Variants in RANBP2 observed in about 807,000 individuals in gnomAD.
The protein encoded by RANBP2 is RAN binding protein 2.
A neutral mutation model predicts 303.6 loss-of-function variants in RANBP2; 57 were observed. The ratio of observed to expected loss-of-function variants is 0.19; its 90% CI spans 0.15 to 0.23. The LOEUF is 0.23. Among genes scored for constraint, RANBP2 ranks in the 10% least tolerant of loss-of-function variants. The pLI, the probability that RANBP2 is intolerant of heterozygous loss-of-function variation, is 1.00. For missense variants in RANBP2, 3,138 were observed against 3,780.8 expected (o/e 0.83, Z 4.46); for synonymous variants, 1,167 against 1,301.5 (o/e 0.90, Z 2.23).
the RANBP2 span, among the ~76,000 whole-genome samples, chr2:109,686,503 C>G: frequency 6.6e-6 from 1 of 152,060 alleles, no homozygotes; most frequent in East Asian, 1.9e-4. Flanking sequence ...TTAGTATAGA[C>G]GGGGTTTCAC....
chr2:108,739,465 T>TA (rs1394638877), intron 6 of RANBP2, among the ~76,000 whole-genome samples: 1 of 151,096 alleles, frequency 6.6e-6, no homozygotes, highest in Non-Finnish European at 1.5e-5. Flanking sequence ...AAAATATAAA[T>TA]TTTTTTTTGG....
In RANBP2 at chr2:108,764,755, G is replaced by T. The variant is rs777082127; in HGVS notation, c.4216G>T (p.Asp1406Tyr). The T allele has an allele frequency of 6.2e-7, 1 of 1,613,922 alleles. No individual in the cohort carries two copies. The highest frequency in any genetic ancestry group is 1.3e-5 in the African/African-American group (1 of 74,890). The change falls in exon 20 of 29, where the codon GAT (aspartate) becomes TAT (tyrosine). Residue 1406 changes from aspartate to tyrosine, a missense_variant. By Grantham distance (160) the Asp-to-Tyr change is radical (BLOSUM62 -3). Transcript: ENST00000283195. ...TPKTSPENVQDRFALVTPKKE... is the reference protein window; with the variant it reads ...TPKTSPENVQYRFALVTPKKE... ...TAAAACCAGCCCAGAGAATGTTCAA[G>T]ATCGATTTGCATTGGTGACTCCAAA... is the stretch of plus-strand genomic sequence containing the variant.
At chr2:108,875,868 A>G in the RANBP2 span, among the ~76,000 whole-genome samples, 21 of 152,274 alleles carry the variant, frequency 1.4e-4, no homozygotes, top group South Asian at 4.2e-3. Context: ...AAAAGAAAAA[A>G]AAGTTTTCTT....
At chr2:109,002,200 G>C in the RANBP2 span, among the ~76,000 whole-genome samples, 1 of 152,342 alleles carries the variant, frequency 6.6e-6, no homozygotes, top group South Asian at 2.1e-4. Context: ...ACCAATGCAG[G>C]AGGCCCCCAG....
At chr2:109,424,772 T>G in the RANBP2 span, among the ~76,000 whole-genome samples, 4 of 152,258 alleles carry the variant, frequency 2.6e-5, no homozygotes, top group South Asian at 8.3e-4. Context: ...CCCATCTCTC[T>G]TTCTCTCCCC....
At chr2:109,407,060 A>C in the RANBP2 span, among the ~76,000 whole-genome samples, 1 of 152,310 alleles carries the variant, frequency 6.6e-6, no homozygotes, top group South Asian at 2.1e-4. Context: ...TGCTGTGTGC[A>C]AGCATATACC....
At chr2:109,101,552 A>C in the RANBP2 span, among the ~76,000 whole-genome samples, 1 of 151,992 alleles carries the variant, frequency 6.6e-6, no homozygotes, top group African/African-American at 2.4e-5. Flanking sequence ...AAACAAAAAA[A>C]CCCAAAAACA....
the RANBP2 span, among the ~76,000 whole-genome samples, chr2:109,556,173 G>A: frequency 6.6e-6 from 1 of 152,150 alleles, no homozygotes; most frequent in Admixed American, 6.5e-5. Flanking sequence ...ACCAGTAGCT[G>A]CCCTTTCCTA....
the RANBP2 span, among the ~76,000 whole-genome samples, chr2:109,001,052 G>A: frequency 6.6e-6 from 1 of 152,180 alleles, no homozygotes. Flanking sequence ...CCCATTGTAG[G>A]TTTCCTGTTT....
the RANBP2 span, among the ~76,000 whole-genome samples, chr2:109,623,133 G>C: frequency 6.6e-6 from 1 of 151,980 alleles, no homozygotes; most frequent in South Asian, 2.1e-4. Context: ...TCTCAAAAAA[G>C]AAAACAACAA....
At chr2:108,888,011 A>G in the RANBP2 span, among the ~76,000 whole-genome samples, 1 of 152,064 alleles carries the variant, frequency 6.6e-6, no homozygotes, top group African/African-American at 2.4e-5. Context: ...GGCTTGTCAT[A>G]GCCTTTCTTA....
At chr2:108,816,351 T>G in the RANBP2 span, among the ~76,000 whole-genome samples, 56 of 152,238 alleles carry the variant, frequency 3.7e-4, no homozygotes, top group African/African-American at 1.3e-3. Context: ...CTTGGGAGGC[T>G]GAGGCAGGAG....
chr2:109,364,910 G>A, the RANBP2 span, among the ~76,000 whole-genome samples: 1 of 152,168 alleles, frequency 6.6e-6, no homozygotes. Context: ...GGCCAACATG[G>A]TGAAACCTTG....
chr2:109,396,262 G>T, the RANBP2 span, among the ~76,000 whole-genome samples: 55 of 152,306 alleles, frequency 3.6e-4, no homozygotes, highest in African/African-American at 1.3e-3. Flanking sequence ...GGAAGCAAAT[G>T]AATACAGCCA....
chr2:108,757,218 T>C (rs1174778616), intron 17 of RANBP2, among the ~76,000 whole-genome samples: 3 of 152,192 alleles, frequency 2.0e-5, no homozygotes, highest in African/African-American at 7.2e-5. Flanking sequence ...GTTAAGTGTC[T>C]GTTTTGTAAG....
the RANBP2 span, chr2:108,798,520 A>G: frequency 6.2e-7 from 1 of 1,613,854 alleles, no homozygotes; most frequent in Non-Finnish European, 8.5e-7. Context: ...TCAGACATGA[A>G]AATGCCTTGA....
downstream of RANBP2, chr2:108,785,946 T>TG (rs1172211311): frequency 2.0e-5 from 3 of 152,288 alleles, no homozygotes; most frequent in East Asian, 5.8e-4. Flanking sequence ...AGTCCAGAGA[T>TG]GCAGCTGACA....
At chr2:108,984,170 T>C in the RANBP2 span, among the ~76,000 whole-genome samples, 3 of 152,290 alleles carry the variant, frequency 2.0e-5, no homozygotes, top group Admixed American at 2.0e-4. Context: ...TTGGTGAAAA[T>C]GGATCATTCC....
the RANBP2 span, chr2:108,894,942 G>A: frequency 3.9e-4 from 60 of 152,342 alleles, no homozygotes; most frequent in African/African-American, 1.4e-3. Flanking sequence ...ACATTCTGAG[G>A]AGGGTGCAAG....
Sources: allele counts gnomAD v4.1 joint callset (sites outside exome capture counted in the v4.1 genomes callset), GRCh38; gene constraint gnomAD v4.1.1; transcripts MANE v1.5; gene names NCBI Gene and HGNC (gene_info 2026-07-23, HGNC 2026-07-21).